The following HS3ST5 variants were observed in gnomAD, a reference collection of about 807,000 sequenced individuals.
HS3ST5 encodes the protein heparan sulfate-glucosamine 3-sulfotransferase 5, also known as heparan sulfate glucosamine 3-O-sulfotransferase 5.
In HS3ST5, 10 loss-of-function variants were observed where a neutral mutation model predicts 25.4. The observed-to-expected ratio is 0.39, with a 90% confidence interval of 0.24 to 0.67. The LOEUF (loss-of-function observed/expected upper bound fraction) is 0.67, where lower values mean the gene tolerates loss of function less well. Among genes scored for constraint, HS3ST5 ranks in the 30% least tolerant of loss-of-function variants. The probability of loss-of-function intolerance (pLI) is 0.44; values close to 1 mark genes in which losing one functional copy is unlikely to be tolerated. For synonymous variants in HS3ST5, 170 were observed against 162.4 expected (o/e 1.05, Z -0.36); for missense variants, 324 against 420.7 (o/e 0.77, Z 2.01).
intron 3 of HS3ST5, among the ~76,000 whole-genome samples, chr6:114,080,447 A>G (rs1774387215): frequency 6.6e-6 from 1 of 152,194 alleles, no homozygotes; most frequent in African/African-American, 2.4e-5. Context: ...ACATATCCAA[A>G]AGAAATTAAA....
At chr6:114,102,312 G>GAAT (rs1220180972) in intron 3 of HS3ST5, among the ~76,000 whole-genome samples, 9 of 152,248 alleles carry the variant, frequency 5.9e-5, no homozygotes, top group African/African-American at 1.9e-4. Flanking sequence ...TTCTACCTGA[G>GAAT]GTCTTTGCCA....
intron 3 of HS3ST5, among the ~76,000 whole-genome samples, chr6:114,127,100 C>A (rs996758647): frequency 6.6e-6 from 1 of 151,950 alleles, no homozygotes; most frequent in Non-Finnish European, 1.5e-5. Flanking sequence ...CTCTAGAAAC[C>A]TCTTTAAAAT....
intron 1 of HS3ST5, among the ~76,000 whole-genome samples, chr6:114,302,202 G>C (rs758303890): frequency 2.0e-5 from 3 of 152,040 alleles, no homozygotes; most frequent in African/African-American, 4.8e-5. Context: ...ATATTTGTTA[G>C]GCTCAACTAG....
chr6:114,303,284 A>G (rs1332860681), intron 1 of HS3ST5, among the ~76,000 whole-genome samples: 1 of 151,996 alleles, frequency 6.6e-6, no homozygotes, highest in African/African-American at 2.4e-5. Flanking sequence ...TTTGTCCCAG[A>G]TATTTATACT....
chr6:114,334,599 A>G (rs150932347), intron 1 of HS3ST5, among the ~76,000 whole-genome samples: 20 of 152,330 alleles, frequency 1.3e-4, no homozygotes, highest in African/African-American at 4.8e-4. Flanking sequence ...AATCCTTAAC[A>G]TTGTATTACG....
intron 3 of HS3ST5, among the ~76,000 whole-genome samples, chr6:114,139,570 A>C (rs1159382838): frequency 6.6e-6 from 1 of 151,954 alleles, no homozygotes; most frequent in Non-Finnish European, 1.5e-5. Context: ...AGAAGGAAGG[A>C]GACAACAAGA....
chr6:114,230,579 G>C (rs1346035623), intron 1 of HS3ST5, among the ~76,000 whole-genome samples: 1 of 146,120 alleles, frequency 6.8e-6, no homozygotes, highest in Non-Finnish European at 1.5e-5. Flanking sequence ...AGTATGTTCT[G>C]TAATTGCCTT....
At chr6:114,088,111 C>T (rs1346742738) in intron 3 of HS3ST5, among the ~76,000 whole-genome samples, 1 of 152,074 alleles carries the variant, frequency 6.6e-6, no homozygotes, top group Non-Finnish European at 1.5e-5. Flanking sequence ...AAATTAATTT[C>T]CCGTTTCTTT....
At chr6:114,283,117 T>C (rs1451434638) in intron 1 of HS3ST5, among the ~76,000 whole-genome samples, 2 of 151,976 alleles carry the variant, frequency 1.3e-5, no homozygotes, top group Middle Eastern at 3.2e-3. Flanking sequence ...AGAATACCAT[T>C]TTTTAATTTT....
chr6:114,118,781 T>A (rs1776649487), intron 3 of HS3ST5, among the ~76,000 whole-genome samples: 1 of 152,196 alleles, frequency 6.6e-6, no homozygotes, highest in African/African-American at 2.4e-5. Flanking sequence ...ATAGGACTAT[T>A]CTGACCAATA....
At chr6:114,116,462 G>A (rs1452612851) in intron 3 of HS3ST5, among the ~76,000 whole-genome samples, 1 of 152,010 alleles carries the variant, frequency 6.6e-6, no homozygotes, top group Non-Finnish European at 1.5e-5. Flanking sequence ...TTCTTGCTTG[G>A]ATTTTACTAA....
At chr6:114,105,270 CA>C (rs1343462050) in intron 3 of HS3ST5, among the ~76,000 whole-genome samples, 1 of 152,112 alleles carries the variant, frequency 6.6e-6, no homozygotes, top group Admixed American at 6.6e-5. Context: ...AAAGAAATGT[CA>C]GTAAAATTTT....
intron 1 of HS3ST5, among the ~76,000 whole-genome samples, chr6:114,262,621 T>C (rs961107408): frequency 1.3e-5 from 2 of 152,118 alleles, no homozygotes; most frequent in Non-Finnish European, 2.9e-5. Flanking sequence ...CACTTTAAAA[T>C]GAAATGAAAA....
intron 3 of HS3ST5, chr6:114,084,696 G>C: frequency 7.9e-7 from 1 of 1,268,722 alleles, no homozygotes; most frequent in Non-Finnish European, 1.1e-6. Context: ...AGAAGCCGTG[G>C]CTCCTGGAAG....
chr6:114,247,751 T>C (rs1413014639), intron 1 of HS3ST5, among the ~76,000 whole-genome samples: 1 of 151,508 alleles, frequency 6.6e-6, no homozygotes, highest in Non-Finnish European at 1.5e-5. Context: ...AGTCCTTATT[T>C]AATATCCATA....
At chr6:114,170,320 T>C (rs1779418280) in intron 2 of HS3ST5, among the ~76,000 whole-genome samples, 2 of 152,170 alleles carry the variant, frequency 1.3e-5, no homozygotes, top group African/African-American at 2.4e-5. Context: ...CCATAATTTA[T>C]AAAATGATTT....
intron 1 of HS3ST5, among the ~76,000 whole-genome samples, chr6:114,320,893 GCTCTCT>G (rs10544089): frequency 8.5e-5 from 12 of 140,518 alleles, no homozygotes; most frequent in African/African-American, 2.6e-4. Context: ...CATAGGAAGT[GCTCTCT>G]CTCTCTCTCT....
Position 114,056,978 on chromosome 6 carries a change from C to T in HS3ST5, c.*279G>A, listed in dbSNP as rs1332406187. 3.2e-6 allele frequency: 1 copy of T among 312,762 alleles called. No individual in the cohort carries two copies. Among genetic ancestry groups the T allele is most frequent in the African/African-American group, 2.1e-5 (1 of 47,050 alleles). The allele number at this position is 312,762 out of a possible 1,614,324, so 19.4% of individuals were successfully genotyped here. On this transcript the variant is annotated 3_prime_UTR_variant, in exon 5 of 5. Coordinates refer to ENST00000312719, the MANE Select transcript of HS3ST5 (RefSeq NM_153612.4). ...AAATTCTGAATCAAAGGAAGACTAA[C>T]TCTTTGAGAATAGCTGAAGTCACTT...
intron 1 of HS3ST5, among the ~76,000 whole-genome samples, chr6:114,329,877 T>A (rs1317366741): frequency 6.6e-6 from 1 of 152,184 alleles, no homozygotes; most frequent in Non-Finnish European, 1.5e-5. Flanking sequence ...TTAAATAGAA[T>A]TAGTAATTTG....
Sources: allele counts gnomAD v4.1 joint callset (sites outside exome capture counted in the v4.1 genomes callset), GRCh38; gene constraint gnomAD v4.1.1; transcripts MANE v1.5; gene names NCBI Gene and HGNC (gene_info 2026-07-23, HGNC 2026-07-21).